The following CCDC146 variants were observed in gnomAD, a reference collection of about 807,000 sequenced individuals.
CCDC146 encodes coiled-coil domain containing 146.
In CCDC146, 92 loss-of-function variants were observed where a neutral mutation model predicts 119.3. That is an observed-to-expected ratio of 0.77 (90% confidence interval 0.65 to 0.92). The LOEUF is 0.92. Ranked by LOEUF, CCDC146 falls within the 40% of genes least tolerant of loss-of-function variation. The pLI is 0.00. For missense variants in CCDC146, 1,000 were observed against 1,103.0 expected (o/e 0.91, Z 1.32); for synonymous variants, 372 against 371.8 (o/e 1.00, Z -0.01).
intron 1 of CCDC146, among the ~76,000 whole-genome samples, chr7:77,163,431 G>A (rs1352834533): frequency 6.6e-6 from 1 of 151,896 alleles, no homozygotes; most frequent in Non-Finnish European, 1.5e-5. Context: ...CTGGGAGACA[G>A]AGCAAGACTC....
chr7:77,173,627 C>A (rs2150411725), intron 2 of CCDC146, among the ~76,000 whole-genome samples: 1 of 152,252 alleles, frequency 6.6e-6, no homozygotes, highest in African/African-American at 2.4e-5. Context: ...AACTGCGTCT[C>A]AAAAACAAAA....
At chr7:77,207,956 C>T (rs911987599) in intron 2 of CCDC146, among the ~76,000 whole-genome samples, 5 of 152,182 alleles carry the variant, frequency 3.3e-5, no homozygotes, top group Admixed American at 3.3e-4. Context: ...ACTTACTTTG[C>T]ATTTATTGGA....
chr7:77,213,200 C>T (rs769177198), intron 2 of CCDC146, among the ~76,000 whole-genome samples: 1 of 151,928 alleles, frequency 6.6e-6, no homozygotes, highest in Non-Finnish European at 1.5e-5. Context: ...AAGCATCCTC[C>T]CACCTCAGCC....
At chr7:77,214,227 A>T (rs1584079234) in intron 2 of CCDC146, among the ~76,000 whole-genome samples, 1 of 152,048 alleles carries the variant, frequency 6.6e-6, no homozygotes, top group Non-Finnish European at 1.5e-5. Flanking sequence ...GCATTTTTTC[A>T]TATGATTGTT....
intron 1 of CCDC146, among the ~76,000 whole-genome samples, chr7:77,130,956 A>G (rs1790778112): frequency 6.6e-6 from 1 of 150,688 alleles, no homozygotes; most frequent in Non-Finnish European, 1.5e-5. Flanking sequence ...CAATGGCGCA[A>G]TCTCGGCTCA....
intron 13 of CCDC146, 74 bp downstream of exon 13, chr7:77,279,175 A>T: frequency 6.7e-7 from 1 of 1,502,224 alleles, no homozygotes. Flanking sequence ...AATCCTGGGG[A>T]TAAGAAGATA....
chr7:77,272,109 C>T (rs893903019), intron 9 of CCDC146, among the ~76,000 whole-genome samples: 2 of 152,206 alleles, frequency 1.3e-5, no homozygotes, highest in African/African-American at 4.8e-5. Context: ...GAAATCAACA[C>T]TTCCTTGATG....
intron 15 of CCDC146, among the ~76,000 whole-genome samples, chr7:77,283,413 AT>A (rs1230291971): frequency 6.6e-6 from 1 of 152,162 alleles, no homozygotes; most frequent in African/African-American, 2.4e-5. Context: ...TCTTCATAGA[AT>A]TTTTTTAAAA....
At chr7:77,175,649 A>G (rs1791489510) in intron 2 of CCDC146, among the ~76,000 whole-genome samples, 1 of 151,354 alleles carries the variant, frequency 6.6e-6, no homozygotes, top group South Asian at 2.1e-4. Context: ...TTTGATGAGT[A>G]TTAAGATGTC....
At chr7:77,275,193 A>G (rs766229239) in intron 11 of CCDC146, among the ~76,000 whole-genome samples, 19 of 152,196 alleles carry the variant, frequency 1.2e-4, no homozygotes, top group South Asian at 4.1e-4. Context: ...CACAGAATAC[A>G]AAACCTGCAA....
chr7:77,237,102 A>C, intron 3 of CCDC146, 73 bp downstream of exon 3: 2 of 1,225,684 alleles, frequency 1.6e-6, no homozygotes, highest in Non-Finnish European at 2.4e-6. Flanking sequence ...ACCTGTCTTC[A>C]TTTGCATTCC....
Position 77,196,258 on chromosome 7 carries a change from T to C in CCDC146, c.156+28434T>C. 1 of 1,564,564 alleles carries C rather than the reference T, an allele frequency of 6.4e-7. No individual in the cohort carries two copies. The highest frequency in any genetic ancestry group is 8.7e-7 in the Non-Finnish European group (1 of 1,143,236). On this transcript the variant is annotated intron_variant, in intron 2 of 18. Coordinates refer to ENST00000285871, the MANE Select transcript of CCDC146 (RefSeq NM_020879.3). This position sits in a 1 kb window ranked among gnomAD's most constrained non-coding sequence, Gnocchi z 4.2. Reference sequence around the variant, plus strand: ...ATTGCCCTATTAGATAACGAATACCTGGAGGAATGAACAGAGTGATTTATG... The same window carrying C: ...ATTGCCCTATTAGATAACGAATACCCGGAGGAATGAACAGAGTGATTTATG...
At chr7:77,265,838 C>T (rs1158310460) in intron 9 of CCDC146, among the ~76,000 whole-genome samples, 2 of 152,210 alleles carry the variant, frequency 1.3e-5, no homozygotes, top group Non-Finnish European at 2.9e-5. Flanking sequence ...CTTTTGCCTC[C>T]CTGAGACATT....
At chr7:77,233,375 A>G (rs1792671977) in intron 2 of CCDC146, among the ~76,000 whole-genome samples, 1 of 152,114 alleles carries the variant, frequency 6.6e-6, no homozygotes, top group Admixed American at 6.5e-5. Context: ...TACAGACGTG[A>G]GCCACAGTGC....
At chr7:77,244,050 G>A (rs908574443) in intron 4 of CCDC146, among the ~76,000 whole-genome samples, 9 of 152,118 alleles carry the variant, frequency 5.9e-5, no homozygotes, top group Non-Finnish European at 1.2e-4. Context: ...GCTAATTTTT[G>A]TATTTTTAGT....
At chr7:77,185,541 G>A (rs1584051050) in intron 2 of CCDC146, among the ~76,000 whole-genome samples, 1 of 152,236 alleles carries the variant, frequency 6.6e-6, no homozygotes, top group East Asian at 1.9e-4. Flanking sequence ...TCTGTTGTTG[G>A]GGTGCCCCCT....
Position 77,286,807 on chromosome 7 carries a change from T to A in CCDC146, c.2158T>A (p.Cys720Ser). 1 of 1,613,694 alleles carries A rather than the reference T, an allele frequency of 6.2e-7. No homozygotes were observed. Among genetic ancestry groups the A allele is most frequent in the African/African-American group, 1.3e-5 (1 of 75,022 alleles). Residue 720 changes from cysteine to serine, a missense_variant, in exon 16 of 19, where the codon TGT becomes AGT. By Grantham distance (112) the Cys-to-Ser change is moderately radical. Transcript: ENST00000285871. ...GTTTTTTTCTTAATAGTTTTCACAG[T>A]GTACAGACAGAATTAAAGACCTGGA... ...LAVLQIQFSQ[C>S]TDRIKDLEKQ... is the part of the protein sequence containing the mutation.
intron 2 of CCDC146, among the ~76,000 whole-genome samples, chr7:77,168,138 T>G (rs1038137644): frequency 1.3e-5 from 2 of 152,182 alleles, no homozygotes; most frequent in Non-Finnish European, 2.9e-5. Flanking sequence ...TTGCATATAC[T>G]ACATTTACTT....
At chr7:77,233,549 G>C (rs183333856) in intron 2 of CCDC146, among the ~76,000 whole-genome samples, 84 of 152,180 alleles carry the variant, frequency 5.5e-4, no homozygotes, top group African/African-American at 1.9e-3. Flanking sequence ...GACCAGTTTC[G>C]TGGAAGACAA....
Sources: gnomAD v4.1 joint callset for allele counts (sites outside exome capture counted in the v4.1 genomes callset) on GRCh38, gnomAD v4.1.1 for gene constraint, Gnocchi (gnomAD v3.1) non-coding constraint, MANE v1.5 for transcripts, NCBI Gene and HGNC (gene_info 2026-07-23, HGNC 2026-07-21) for gene names.